ONECUT1: variants seen among roughly 807,000 people sequenced by gnomAD.
ONECUT1 encodes hepatocyte nuclear factor 6.
ONECUT1 carries 12 observed loss-of-function variants against 25.6 expected under a neutral mutation model. The observed-to-expected ratio is 0.47, with a 90% CI of 0.30 to 0.76. The LOEUF is 0.76. Ranked by LOEUF, ONECUT1 falls within the 30% of genes least tolerant of loss-of-function variation. The pLI is 0.07. For missense variants in ONECUT1, 620 were observed against 651.2 expected (o/e 0.95, Z 0.52); for synonymous variants, 285 against 270.2 (o/e 1.05, Z -0.54).
rs1033434573 is a variant in ONECUT1 at position 52,790,019 on chromosome 15, C to G, written c.-135G>C. 8 of 465,878 alleles carry G rather than the reference C, an allele frequency of 1.7e-5. No homozygotes were observed. In the African/African-American group the frequency reaches 1.7e-4, roughly 10 times the overall value. 28.9% of individuals were successfully genotyped at this position (465,878 alleles called of 1,614,324 possible). A position where few individuals can be genotyped will look rare whatever the true frequency, so the allele number is the denominator to read the frequency against. On this transcript the variant is annotated 5_prime_UTR_variant, in exon 1 of 2. Transcript: ENST00000305901. Reference sequence around the variant, plus strand: ...CCTTCCTCTCACTGTGGGGCTCTGTCTCTCTCTCTCTCTCTCTCCGTGTGT... The same window carrying G: ...CCTTCCTCTCACTGTGGGGCTCTGTGTCTCTCTCTCTCTCTCTCCGTGTGT...
intron 1 of ONECUT1, among the ~76,000 whole-genome samples, chr15:52,772,392 T>TAAA (rs67977580): frequency 2.6e-5 from 3 of 114,774 alleles, no homozygotes; most frequent in Non-Finnish European, 3.7e-5. Flanking sequence ...AGACTCCATC[T>TAAA]AAAAAAAAAA....
Position 52,777,737 on chromosome 15 carries a change from C to CACACACAAAAAAA in ONECUT1, c.1105+11042_1105+11043insTTTTTTTGTGTGT, listed in dbSNP as rs57187579. On this transcript the variant is annotated intron_variant, in intron 1 of 1. Coordinates refer to ENST00000305901, the MANE Select transcript of ONECUT1 (RefSeq NM_004498.4). ...ACACACACACACACACACACACACA[C>CACACACAAAAAAA]AAAAAAACATGTAAAGTTATTTGTT... Among the ~76,000 whole-genome samples the CACACACAAAAAAA allele has an allele frequency of 6.0e-4, 62 of 103,438 alleles. 1 individual carries two copies. The highest frequency in any genetic ancestry group is 1.6e-3 in the African/African-American group (36 of 22,572). The allele number at this position is 103,438 out of a possible 152,430, so 67.9% of individuals were successfully genotyped here.
In ONECUT1 at chr15:52,764,654, G is replaced by A. The variant is rs150581840; in HGVS notation, c.1106-6807C>T. Among the ~76,000 whole-genome samples the A allele has an allele frequency of 3.9e-5, 6 of 152,280 alleles. 1 individual carries two copies. The South Asian group carries it at 6.2e-4, about 16-fold the overall frequency. On this transcript the variant is annotated intron_variant, in intron 1 of 1. Coordinates refer to ENST00000305901, the MANE Select transcript of ONECUT1 (RefSeq NM_004498.4). The stretch of plus-strand genomic sequence containing the variant: ...GTCCTAACATCATCGCAGAGAAAGT[G>A]GACTAGAGAGCAGTAAAGGGGAAAG...
intron 1 of ONECUT1, among the ~76,000 whole-genome samples, chr15:52,772,561 C>A (rs1216595689): frequency 1.3e-5 from 2 of 152,166 alleles, no homozygotes; most frequent in East Asian, 1.9e-4. Flanking sequence ...GGGCCTCCTT[C>A]ATCTTGACTT....
At chr15:52,773,941 C>T (rs906950731) in intron 1 of ONECUT1, among the ~76,000 whole-genome samples, 2 of 152,112 alleles carry the variant, frequency 1.3e-5, no homozygotes, top group East Asian at 1.9e-4. Flanking sequence ...TAAATGAATG[C>T]TATTCATGAT....
In ONECUT1 at chr15:52,777,737, C is replaced by CACAAAA. The variant is rs57187579; in HGVS notation, c.1105+11042_1105+11043insTTTTGT. 8.1e-4 allele frequency among the ~76,000 whole-genome samples: 84 copies of CACAAAA among 103,452 alleles called. 3 individuals are homozygous for CACAAAA. The East Asian group carries it at 0.015, about 18-fold the overall frequency. 67.9% of individuals were successfully genotyped at this position (103,452 alleles called of 152,430 possible). On this transcript the variant is annotated intron_variant, in intron 1 of 1. Coordinates refer to ENST00000305901, the MANE Select transcript of ONECUT1 (RefSeq NM_004498.4). ...ACACACACACACACACACACACACA[C>CACAAAA]AAAAAAACATGTAAAGTTATTTGTT...
At chr15:52,779,244 C>T (rs967343815) in intron 1 of ONECUT1, among the ~76,000 whole-genome samples, 5 of 151,990 alleles carry the variant, frequency 3.3e-5, no homozygotes, top group East Asian at 1.9e-4. Flanking sequence ...CCACCACACC[C>T]GGCTAATATT....
Position 52,757,857 on chromosome 15 carries a change from AAC to A in ONECUT1, c.1106-12_1106-11del. 3.1e-6 allele frequency: 5 copies of A among 1,610,230 alleles called. No individual in the cohort carries two copies. The highest frequency in any genetic ancestry group is 4.2e-6 in the Non-Finnish European group (5 of 1,177,882). On this transcript the variant is annotated splice_polypyrimidine_tract_variant and intron_variant, in intron 1 of 1. Transcript: ENST00000305901. Reference sequence around the variant, plus strand: ...TCTTTCCTTTTGCATGCTGTGAAGAAACACAGAAGATGTTAGAACAAATGGTC... The same window carrying A: ...TCTTTCCTTTTGCATGCTGTGAAGAAACAGAAGATGTTAGAACAAATGGTC...
chr15:52,768,327 G>A (rs577303045), intron 1 of ONECUT1, among the ~76,000 whole-genome samples: 175 of 152,156 alleles, frequency 1.2e-3, no homozygotes, highest in African/African-American at 4.1e-3. Flanking sequence ...CAACTATTAT[G>A]TATCCATAAT....
At chr15:52,785,176 CAGA>C (rs2083866299) in intron 1 of ONECUT1, among the ~76,000 whole-genome samples, 2 of 152,228 alleles carry the variant, frequency 1.3e-5, no homozygotes, top group Non-Finnish European at 2.9e-5. Context: ...TCCCATGGCC[CAGA>C]AAAGCAGGGG....
Position 52,789,668 on chromosome 15 carries a change from G to T in ONECUT1, c.217C>A (p.Arg73=). 6.7e-7 allele frequency: 1 copy of T among 1,500,454 alleles called. No homozygotes were observed. The highest frequency in any genetic ancestry group is 1.3e-5 in the South Asian group (1 of 74,212). The allele number at this position is 1,500,454 out of a possible 1,614,324, so 92.9% of individuals were successfully genotyped here. Reference sequence around the variant, plus strand: ...CCGGCCAGGCTGTGCTCAGGGGCCCGGTGGTGGTGGTGGTAATCTCCGCCG... The same window carrying T: ...CCGGCCAGGCTGTGCTCAGGGGCCCTGTGGTGGTGGTGGTAATCTCCGCCG... ...SGGGDYHHHH[R]APEHSLAGPL... is the part of the protein sequence containing the mutation. Residue 73 remains arginine, a synonymous_variant, in exon 1 of 2, where the codon CGG becomes AGG. Transcript: ENST00000305901. The surrounding 1 kb of genome is among the most constrained non-coding windows in gnomAD (Gnocchi z 4.1).
At position 52,788,651 on chromosome 15, in the gene ONECUT1, G is replaced by A. The variant is rs2083892754; in HGVS notation, c.1105+129C>T. 1 of 982,484 alleles carries A rather than the reference G, an allele frequency of 1.0e-6. No individual in the cohort carries two copies. Among genetic ancestry groups the A allele is most frequent in the Non-Finnish European group, 1.5e-6 (1 of 675,560 alleles). 60.9% of individuals were successfully genotyped at this position (982,484 alleles called of 1,614,324 possible). A position where few individuals can be genotyped will look rare whatever the true frequency, so the allele number is the denominator to read the frequency against. Reference sequence around the variant, plus strand: ...GTGCTGGCCCTTCCAGGCACAGGGAGTCCCCCTTCTAGGGGTAGGGGCGGG... The same window carrying A: ...GTGCTGGCCCTTCCAGGCACAGGGAATCCCCCTTCTAGGGGTAGGGGCGGG... On this transcript the variant is annotated intron_variant, in intron 1 of 1. Transcript: ENST00000305901. The surrounding 1 kb of genome is among the most constrained non-coding windows in gnomAD (Gnocchi z 4.3).
At position 52,757,842 on chromosome 15, in the gene ONECUT1, T is replaced by C. The variant is rs1310025830; in HGVS notation, c.1111A>G (p.Lys371Glu). Residue 371 changes from lysine (K) to glutamate (E), a missense_variant, in exon 2 of 2, where the codon AAA (lysine) becomes GAA (glutamate). Physicochemically the swap from Lys to Glu is moderately conservative, Grantham distance 56 (BLOSUM62 1). Around this residue, in one of 4 missense-constraint regions of ONECUT1, gnomAD observed 146 missense variants for 201.8 expected, o/e 0.72. Transcript: ENST00000305901. ...TTCCCATGTTCTTGTTCTTTCCTTT[T>C]GCATGCTGTGAAGAAACACAGAAGA... ...RMSALRLAAC[K>E]RKEQEHGKDR... 6 of 1,612,500 alleles carry C rather than the reference T, an allele frequency of 3.7e-6. No homozygotes were observed. Among genetic ancestry groups the C allele is most frequent in the Non-Finnish European group, 5.1e-6 (6 of 1,179,110 alleles).
At chr15:52,758,601 C>G (rs942900309) in intron 1 of ONECUT1, among the ~76,000 whole-genome samples, 1 of 152,100 alleles carries the variant, frequency 6.6e-6, no homozygotes, top group South Asian at 2.1e-4. Flanking sequence ...TCTGTGCCTC[C>G]TTTTTGCAAG....
intron 1 of ONECUT1, chr15:52,780,487 G>T: frequency 1.7e-6 from 2 of 1,167,596 alleles, no homozygotes; most frequent in Non-Finnish European, 2.4e-6. Context: ...GCATTAGTGT[G>T]ACAAATATGT....
intron 1 of ONECUT1, among the ~76,000 whole-genome samples, chr15:52,773,503 G>T (rs1485592243): frequency 6.6e-6 from 1 of 152,186 alleles, no homozygotes; most frequent in Non-Finnish European, 1.5e-5. Context: ...AAATGTATAT[G>T]TATCTGTTTC....
chr15:52,788,362 G>A lies in ONECUT1; in HGVS notation c.1105+418C>T. ...AGCCCAGCGCCTGGGATGTGTCAGA[G>A]GTACCTGCGAGGAACATTTGCGTGC... On this transcript the variant is annotated intron_variant, in intron 1 of 1. Coordinates refer to ENST00000305901, the MANE Select transcript of ONECUT1 (RefSeq NM_004498.4). The surrounding 1 kb of genome is among the most constrained non-coding windows in gnomAD (Gnocchi z 4.3). 5.8e-6 allele frequency: 1 copy of A among 173,902 alleles called. No individual in the cohort carries two copies. Among genetic ancestry groups the A allele is most frequent in the Non-Finnish European group, 1.2e-5 (1 of 80,868 alleles). 10.8% of individuals were successfully genotyped at this position (173,902 alleles called of 1,614,324 possible).
intron 1 of ONECUT1, chr15:52,780,929 G>A: frequency 8.0e-7 from 1 of 1,245,220 alleles, no homozygotes; most frequent in Non-Finnish European, 1.0e-6. Flanking sequence ...CATGGTGACT[G>A]GAAACATGCA....
Position 52,789,450 on chromosome 15 carries a change from C to G in ONECUT1, c.435G>C (p.Val145=), listed in dbSNP as rs1471642977. 6.2e-7 allele frequency: 1 copy of G among 1,613,628 alleles called. No individual in the cohort carries two copies. Among genetic ancestry groups the G allele is most frequent in the Non-Finnish European group, 8.5e-7 (1 of 1,179,990 alleles). Residue 145 remains valine (V), a synonymous_variant, in exon 1 of 2, where the codon GTG becomes GTC. Transcript: ENST00000305901. The surrounding 1 kb of genome is among the most constrained non-coding windows in gnomAD (Gnocchi z 4.1). ...PHHHQRLAGN[V]SGSFTLMRDE... ...CCCGCATGAGCGTGAAGCTACCGCT[C>G]ACGTTGCCCGCCAGGCGCTGGTGGT...
Sources: allele counts gnomAD v4.1 joint callset (sites outside exome capture counted in the v4.1 genomes callset), GRCh38; gene constraint gnomAD v4.1.1; regional missense constraint gnomAD v4.1.1; non-coding constraint Gnocchi (gnomAD v3.1); transcripts MANE v1.5; gene names NCBI Gene and HGNC (gene_info 2026-07-23, HGNC 2026-07-21).